Variants in DNAH2 observed in about 807,000 individuals in gnomAD.
The protein encoded by DNAH2 is axonemal beta dynein heavy chain 2.
In DNAH2, 323 loss-of-function variants were observed where a neutral mutation model predicts 523.5. That is an observed-to-expected ratio of 0.62 (90% CI 0.56 to 0.68). DNAH2 has a LOEUF of 0.68. Among genes scored for constraint, DNAH2 ranks in the 30% least tolerant of loss-of-function variants. The pLI is 0.00. For missense variants in DNAH2, 4,907 were observed against 5,701.5 expected (o/e 0.86, Z 4.49); for synonymous variants, 2,093 against 2,177.4 (o/e 0.96, Z 1.08).
At chr17:7,771,597 C>T (rs2076318407) in intron 28 of DNAH2, 129 bp downstream of exon 28, 8 of 944,492 alleles carry the variant, frequency 8.5e-6, no homozygotes, top group African/African-American at 3.3e-5. Flanking sequence ...TCCATCACCT[C>T]TTCTAAGCAT....
chr17:7,727,030 C>G, intron 3 of DNAH2, 92 bp from the exon 4 acceptor site: 2 of 1,372,710 alleles, frequency 1.5e-6, no homozygotes, highest in Non-Finnish European at 1.9e-6. Context: ...TGGCTTCTCT[C>G]ATCTCCCATG....
At chr17:7,823,100 C>T (rs1251536240) in intron 73 of DNAH2, among the ~76,000 whole-genome samples, 2 of 151,982 alleles carry the variant, frequency 1.3e-5, no homozygotes, top group Non-Finnish European at 2.9e-5. Flanking sequence ...TCGAGACCAG[C>T]CTGGCCAACA....
At chr17:7,750,161 G>A (rs1382656246) in intron 12 of DNAH2, among the ~76,000 whole-genome samples, 1 of 152,160 alleles carries the variant, frequency 6.6e-6, no homozygotes, top group Non-Finnish European at 1.5e-5. Context: ...TGGGATTACA[G>A]GTGTGAGCCA....
Position 7,792,589 on chromosome 17 carries a change from G to GAAA in DNAH2, c.7146-67_7146-65dup. On this transcript the variant is annotated intron_variant, in intron 46 of 85. Transcript: ENST00000572933. ...TGATGAGACAGTGGTGACGTAGAGGGAAAGGAAGTGGGAGTTGGAAAGGAG... is the reference window on the plus strand; with the variant it reads ...TGATGAGACAGTGGTGACGTAGAGGGAAAAAAGGAAGTGGGAGTTGGAAAGGAG... 6 of 1,359,384 alleles carry GAAA rather than the reference G, an allele frequency of 4.4e-6. No individual in the cohort carries two copies. The Admixed American group carries it at 1.1e-4, about 25-fold the overall frequency. 84.2% of individuals were successfully genotyped at this position (1,359,384 alleles called of 1,614,324 possible).
intron 11 of DNAH2, 130 bp downstream of exon 11, chr17:7,741,122 C>A: frequency 8.5e-7 from 1 of 1,174,242 alleles, no homozygotes. Context: ...GTGGCAGGTC[C>A]AGTTCAGTGA....
chr17:7,827,160 T>C (rs2078042705), intron 77 of DNAH2, among the ~76,000 whole-genome samples: 1 of 152,068 alleles, frequency 6.6e-6, no homozygotes, highest in African/African-American at 2.4e-5. Context: ...CAGATCCTAA[T>C]CCTTTGTCAG....
At chr17:7,737,018 C>T (rs2075162150) in intron 7 of DNAH2, 49 bp from the exon 8 acceptor site, 5 of 1,457,682 alleles carry the variant, frequency 3.4e-6, no homozygotes, top group Non-Finnish European at 4.7e-6. Context: ...TGTGTTGAAT[C>T]AGTGCTTTCT....
At chr17:7,733,475 CTTTTT>C (rs1199721840) in intron 5 of DNAH2, among the ~76,000 whole-genome samples, 160 bp downstream of exon 5, 1 of 113,860 alleles carries the variant, frequency 8.8e-6, no homozygotes. Context: ...CCTTCTTCTT[CTTTTT>C]TTTTTTTTTT....
intron 66 of DNAH2, 22 bp from the exon 67 acceptor site, chr17:7,817,768 C>T (rs376562758): frequency 6.2e-7 from 1 of 1,614,004 alleles, no homozygotes; most frequent in Non-Finnish European, 8.5e-7. Context: ...GGCCTCACCT[C>T]TGACCTGTAC....
In DNAH2 at chr17:7,807,721, C is replaced by A; in HGVS notation, c.9729+135C>A. The A allele has an allele frequency of 1.3e-6, 1 of 770,248 alleles. No individual in the cohort carries two copies. Among genetic ancestry groups the A allele is most frequent in the Non-Finnish European group, 2.1e-6 (1 of 470,010 alleles). 47.7% of individuals were successfully genotyped at this position (770,248 alleles called of 1,614,324 possible). A position where few individuals can be genotyped will look rare whatever the true frequency, so the allele number is the denominator to read the frequency against. ...TGTGCCATTCCAGTCCTGTCTCCTT[C>A]CCACTCTGTGCCCTGTTTAGACTGG... On this transcript the variant is annotated intron_variant, in intron 63 of 85. Coordinates refer to ENST00000572933, the MANE Select transcript of DNAH2 (RefSeq NM_020877.5). The surrounding 1 kb of genome is among the most constrained non-coding windows in gnomAD (Gnocchi z 5.6).
At position 7,811,372 on chromosome 17, in the gene DNAH2, T is replaced by C. The variant is rs144646717; in HGVS notation, c.9729+3786T>C. Among the ~76,000 whole-genome samples the C allele has an allele frequency of 2.3e-4, 35 of 152,320 alleles. 1 individual carries two copies. The highest frequency in any genetic ancestry group is 7.9e-4 in the African/African-American group (33 of 41,574). On this transcript the variant is annotated intron_variant, in intron 63 of 85. Coordinates refer to ENST00000572933, the MANE Select transcript of DNAH2 (RefSeq NM_020877.5). ...AAAGAAATGGAAATTCGACATCAACTAATCTTGCCTTTGTGAGTTAAAAAT... is the reference window on the plus strand; with the variant it reads ...AAAGAAATGGAAATTCGACATCAACCAATCTTGCCTTTGTGAGTTAAAAAT...
chr17:7,755,961 G>A (rs908377997), intron 12 of DNAH2, among the ~76,000 whole-genome samples: 2 of 152,006 alleles, frequency 1.3e-5, no homozygotes, highest in African/African-American at 4.8e-5. Context: ...AAAAGGCCAG[G>A]AGTGGTGGCT....
At chr17:7,823,718 C>T (rs2077933421) in intron 74 of DNAH2, 90 bp downstream of exon 74, 1 of 1,578,786 alleles carries the variant, frequency 6.3e-7, no homozygotes, top group Admixed American at 1.7e-5. Context: ...ATCCCCTCTC[C>T]CAGCTGGTGC....
Position 7,776,014 on chromosome 17 carries a change from C to T in DNAH2, c.4822-10C>T, listed in dbSNP as rs188106668. On this transcript the variant is annotated splice_polypyrimidine_tract_variant and intron_variant, in intron 30 of 85. Coordinates refer to ENST00000572933, the MANE Select transcript of DNAH2 (RefSeq NM_020877.5). ...AGGCTGAGCTGCCCTATTCTCCCAC[C>T]TCCCCCCAGTCCTGGCTTGGCGATG... The T allele has an allele frequency of 1.0e-4, 165 of 1,613,598 alleles. 2 individuals are homozygous for T. In the African/African-American group the frequency reaches 1.8e-3, roughly 18 times the overall value.
rs1439761913 is a variant in DNAH2, at chr17:7,775,351, T to C, written c.4821+9T>C. ...TAGAAGGCCCTGTGGAGGTGAGTTG[T>C]GGTGAGGGTCTGAGGACCTAGCTGA... On this transcript the variant is annotated intron_variant, in intron 30 of 85. Transcript: ENST00000572933. 3.7e-6 allele frequency: 6 copies of C among 1,606,804 alleles called. No individual in the cohort carries two copies. In the Admixed American group the frequency reaches 5.0e-5, roughly 14 times the overall value.
In DNAH2 at chr17:7,786,232, A is replaced by G. The variant is rs1213954301; in HGVS notation, c.6238A>G (p.Thr2080Ala). The change falls in exon 40 of 86, where the codon ACC (threonine) becomes GCC (alanine). Residue 2080 changes from threonine (T) to alanine (A), a missense_variant. Transcript: ENST00000572933. This position sits in a 1 kb window ranked among gnomAD's most constrained non-coding sequence, Gnocchi z 7.5. ...TGAAACCAAGAACTCCCGCCACTCC[A>G]CCATGATCGTGGGCTGCACGGGCAG... is the stretch of plus-strand genomic sequence containing the variant. ...LYETKNSRHS[T>A]MIVGCTGSGK... is the part of the protein sequence containing the mutation. 2 of 1,613,904 alleles carry G rather than the reference A, an allele frequency of 1.2e-6. No individual in the cohort carries two copies. Among genetic ancestry groups the G allele is most frequent in the African/African-American group, 1.3e-5 (1 of 74,858 alleles).
In DNAH2 at chr17:7,741,232, CTCTCTCTTTCTTTCTTTCTT is replaced by C. The variant is rs1379656904; in HGVS notation, c.1689+244_1689+263del. ...TTCTTCCTTCCTTTCTTTTTTTTCTCTCTCTCTTTCTTTCTTTCTTTCTTTCTTTCTTTCTTTCTTTCTTT... is the reference window on the plus strand; with the variant it reads ...TTCTTCCTTCCTTTCTTTTTTTTCTCTCTTTCTTTCTTTCTTTCTTTCTTT... On this transcript the variant is annotated intron_variant, in intron 11 of 85. Coordinates refer to ENST00000572933, the MANE Select transcript of DNAH2 (RefSeq NM_020877.5). 1.2e-3 allele frequency among the ~76,000 whole-genome samples: 139 copies of C among 119,428 alleles called. 1 individual carries two copies. Among genetic ancestry groups the C allele is most frequent in the African/African-American group, 2.1e-3 (70 of 32,792 alleles). The allele number at this position is 119,428 out of a possible 152,430, so 78.3% of individuals were successfully genotyped here.
At chr17:7,787,778 C>A in intron 42 of DNAH2, 82 bp from the exon 43 acceptor site, 5 of 1,342,240 alleles carry the variant, frequency 3.7e-6, no homozygotes, top group East Asian at 2.4e-5. Context: ...GAACTTGTAG[C>A]ATCCGAGTTC....
intron 2 of DNAH2, among the ~76,000 whole-genome samples, 166 bp downstream of exon 2, chr17:7,720,066 C>CT (rs1234778150): frequency 2.0e-5 from 3 of 152,140 alleles, no homozygotes; most frequent in Non-Finnish European, 4.4e-5. Context: ...CCACTGAGTC[C>CT]TTTTTTTGTA....
Sources: allele counts gnomAD v4.1 joint callset (sites outside exome capture counted in the v4.1 genomes callset), GRCh38; gene constraint gnomAD v4.1.1; non-coding constraint Gnocchi (gnomAD v3.1); transcripts MANE v1.5; gene names NCBI Gene and HGNC (gene_info 2026-07-23, HGNC 2026-07-21).